The following HM13 variants were observed in gnomAD, a reference collection of about 807,000 sequenced individuals.
The protein encoded by HM13 is signal peptide peptidase.
Under a neutral mutation model 50.0 loss-of-function variants are expected in HM13, and 18 were observed. That is an observed-to-expected ratio of 0.36 (90% CI 0.25 to 0.53). HM13 has a LOEUF of 0.53. Among genes scored for constraint, HM13 ranks in the 20% least tolerant of loss-of-function variants. The pLI, the probability that HM13 is intolerant of heterozygous loss-of-function variation, is 0.90. For synonymous variants in HM13, 197 were observed against 232.6 expected (o/e 0.85, Z 1.39); for missense variants, 393 against 552.4 (o/e 0.71, Z 2.89).
intron 1 of HM13, among the ~76,000 whole-genome samples, chr20:31,526,641 A>G (rs1471162909): frequency 2.6e-5 from 4 of 152,222 alleles, no homozygotes; most frequent in Non-Finnish European, 4.4e-5. Flanking sequence ...AGCATCTGCC[A>G]TTATAAATTT....
At chr20:31,545,956 C>CA (rs1983687834) in intron 4 of HM13, among the ~76,000 whole-genome samples, 1 of 151,788 alleles carries the variant, frequency 6.6e-6, no homozygotes, top group Non-Finnish European at 1.5e-5. Flanking sequence ...CTCAGCCTCC[C>CA]AAAGCGCTAG....
intron 8 of HM13, among the ~76,000 whole-genome samples, chr20:31,555,950 A>G (rs1164805289): frequency 6.6e-6 from 1 of 151,830 alleles, no homozygotes; most frequent in Non-Finnish European, 1.5e-5. Flanking sequence ...AGCTTGGGTG[A>G]CAGAGTGAGA....
chr20:31,544,419 G>A (rs910507779), intron 3 of HM13, among the ~76,000 whole-genome samples: 1 of 152,234 alleles, frequency 6.6e-6, no homozygotes, highest in Non-Finnish European at 1.5e-5. Context: ...CTGCCCAGGG[G>A]CTATGATTCA....
In HM13 at chr20:31,554,849, G is replaced by T; in HGVS notation, c.808+20G>T. On this transcript the variant is annotated intron_variant, in intron 8 of 12. Transcript: ENST00000398174. ...TTCCAGGTGAGCCTGCTGGTGTGGG[G>T]GCTATGTGAAAGGGGTGGAGAGGGT... The T allele has an allele frequency of 6.2e-7, 1 of 1,603,432 alleles. No homozygotes were observed. Among genetic ancestry groups the T allele is most frequent in the Non-Finnish European group, 8.5e-7 (1 of 1,170,348 alleles).
intron 7 of HM13, chr20:31,554,514 C>G (rs1198410848): frequency 2.2e-6 from 1 of 453,198 alleles, no homozygotes; most frequent in Admixed American, 3.5e-5. Context: ...AACCCCGTCT[C>G]TACTAAAAAT....
intron 2 of HM13, among the ~76,000 whole-genome samples, chr20:31,530,930 T>G (rs1043805356): frequency 1.3e-5 from 2 of 152,224 alleles, no homozygotes; most frequent in Non-Finnish European, 2.9e-5. Flanking sequence ...CCAAAAAGAT[T>G]GTGCCATTTT....
At chr20:31,547,845 A>G in intron 4 of HM13, 1 of 937,388 alleles carries the variant, frequency 1.1e-6, no homozygotes, top group Non-Finnish European at 1.8e-6. Context: ...TTATGTGTCC[A>G]GGTTTAACTT....
intron 7 of HM13, among the ~76,000 whole-genome samples, chr20:31,551,334 C>A (rs1466985534): frequency 6.6e-6 from 1 of 152,154 alleles, no homozygotes; most frequent in African/African-American, 2.4e-5. Flanking sequence ...TGTCCACCTG[C>A]CCCTTAGGTC....
intron 2 of HM13, among the ~76,000 whole-genome samples, chr20:31,534,846 G>A (rs1265638036): frequency 6.6e-6 from 1 of 152,152 alleles, no homozygotes; most frequent in Non-Finnish European, 1.5e-5. Flanking sequence ...AGCACTTTGG[G>A]AGGCCGAGGC....
chr20:31,558,119 C>A (rs1390393919), intron 8 of HM13, among the ~76,000 whole-genome samples: 1 of 152,208 alleles, frequency 6.6e-6, no homozygotes, highest in East Asian at 1.9e-4. Context: ...GACTGGTTGG[C>A]TGTGTTTTGG....
At chr20:31,548,980 A>C in intron 4 of HM13, 49 bp from the exon 5 acceptor site, 1 of 1,504,468 alleles carries the variant, frequency 6.6e-7, no homozygotes, top group Non-Finnish European at 9.3e-7. Context: ...GACAGGTGGG[A>C]GGGGTAGCCC....
At chr20:31,566,162 G>C in intron 10 of HM13, 48 bp from the exon 11 acceptor site, 1 of 1,444,774 alleles carries the variant, frequency 6.9e-7, no homozygotes, top group African/African-American at 1.4e-5. Context: ...ACGGCCCTGA[G>C]GCAGTGCCGT....
intron 1 of HM13, among the ~76,000 whole-genome samples, chr20:31,526,066 C>A (rs7273756): frequency 0.31 from 47,231 of 151,870 alleles, 12,174 homozygotes; most frequent in African/African-American, 0.71. Flanking sequence ...CAGAGGTTGC[C>A]GTGAGCCAAG....
At chr20:31,556,057 G>T (rs962399815) in intron 8 of HM13, among the ~76,000 whole-genome samples, 1 of 145,306 alleles carries the variant, frequency 6.9e-6, no homozygotes, top group African/African-American at 2.6e-5. Flanking sequence ...TTTTTGAGAC[G>T]GAGTTTTGCT....
Position 31,549,141 on chromosome 20 carries a change from G to T in HM13, c.540+27G>T, listed in dbSNP as rs774097884. ...TGAGTAGTCAGGACCTGGGCAGAAG[G>T]GGAGGATGGGGTTGACAGGGCAGGG... is the stretch of plus-strand genomic sequence containing the variant. On this transcript the variant is annotated intron_variant, in intron 5 of 12. Coordinates refer to ENST00000398174, the MANE Select transcript of HM13 (RefSeq NM_178581.3). 3.7e-6 allele frequency: 6 copies of T among 1,613,800 alleles called. No homozygotes were observed. In the Middle Eastern group the frequency reaches 6.6e-4, roughly 177 times the overall value.
intron 7 of HM13, among the ~76,000 whole-genome samples, chr20:31,551,776 G>C (rs751235780): frequency 2.6e-5 from 4 of 152,210 alleles, no homozygotes; most frequent in Admixed American, 6.5e-5. Context: ...TCAAGAAACA[G>C]CTGTCTTTCT....
intron 1 of HM13, among the ~76,000 whole-genome samples, chr20:31,525,951 C>T (rs1982463884): frequency 6.6e-6 from 1 of 151,838 alleles, no homozygotes; most frequent in Non-Finnish European, 1.5e-5. Context: ...CATTGTGAAA[C>T]CCCCTCTCTG....
chr20:31,550,054 C>T lies in HM13; in HGVS notation c.667-10C>T. The T allele has an allele frequency of 6.2e-7, 1 of 1,611,362 alleles. No homozygotes were observed. Among genetic ancestry groups the T allele is most frequent in the Non-Finnish European group, 8.5e-7 (1 of 1,177,780 alleles). On this transcript the variant is annotated splice_polypyrimidine_tract_variant and intron_variant, in intron 6 of 12. Transcript: ENST00000398174. ...CTTCCCTTCATACTGCTCTTTTTTTCTCCTTCTAGGTATTTGGCACCAATG... is the reference window on the plus strand; with the variant it reads ...CTTCCCTTCATACTGCTCTTTTTTTTTCCTTCTAGGTATTTGGCACCAATG...
At chr20:31,526,286 G>A (rs1224109911) in intron 1 of HM13, among the ~76,000 whole-genome samples, 1 of 151,822 alleles carries the variant, frequency 6.6e-6, no homozygotes, top group African/African-American at 2.4e-5. Flanking sequence ...AGCCTCCTGA[G>A]TAGCTGGGAT....
Sources: gnomAD v4.1 joint callset for allele counts (sites outside exome capture counted in the v4.1 genomes callset) on GRCh38, gnomAD v4.1.1 for gene constraint, MANE v1.5 for transcripts, NCBI Gene and HGNC (gene_info 2026-07-23, HGNC 2026-07-21) for gene names.